Variants in FZD3 observed in about 807,000 individuals in gnomAD.
FZD3 encodes frizzled-3.
Under a neutral mutation model 60.7 loss-of-function variants are expected in FZD3, and 30 were observed. The observed-to-expected ratio is 0.49, with a 90% confidence interval of 0.37 to 0.67. The LOEUF is 0.67. Among genes scored for constraint, FZD3 ranks in the 30% least tolerant of loss-of-function variants. The probability of loss-of-function intolerance (pLI) is 0.00; values close to 1 mark genes in which losing one functional copy is unlikely to be tolerated. For missense variants in FZD3, 605 were observed against 838.7 expected (o/e 0.72, Z 3.44); for synonymous variants, 246 against 275.2 (o/e 0.89, Z 1.05).
At chr8:28,543,852 G>GC (rs1805233268) in intron 5 of FZD3, among the ~76,000 whole-genome samples, 1 of 152,012 alleles carries the variant, frequency 6.6e-6, no homozygotes, top group African/African-American at 2.4e-5. Context: ...AGTTTTTCCA[G>GC]CTTAATAGGC....
intron 5 of FZD3, among the ~76,000 whole-genome samples, chr8:28,537,300 A>T (rs1290629195): frequency 6.7e-6 from 1 of 149,506 alleles, no homozygotes; most frequent in Non-Finnish European, 1.5e-5. Context: ...TATACAAGTT[A>T]TTATTCTGGC....
At chr8:28,522,270 A>G (rs1804600917) in intron 4 of FZD3, among the ~76,000 whole-genome samples, 1 of 151,850 alleles carries the variant, frequency 6.6e-6, no homozygotes, top group Admixed American at 6.6e-5. Flanking sequence ...TAACAAAATG[A>G]CATTGAAAAA....
At chr8:28,545,710 T>G (rs1805278102) in intron 5 of FZD3, among the ~76,000 whole-genome samples, 1 of 152,354 alleles carries the variant, frequency 6.6e-6, no homozygotes, top group South Asian at 2.1e-4. Context: ...CTGTGAGAGA[T>G]AATAAATTCT....
intron 5 of FZD3, among the ~76,000 whole-genome samples, chr8:28,540,702 T>C (rs1388158706): frequency 6.6e-6 from 1 of 152,136 alleles, no homozygotes; most frequent in East Asian, 1.9e-4. Context: ...CCTAGCACTT[T>C]GGGAGGCCAA....
rs1585941319 is a variant in FZD3, at chr8:28,502,228, C to A, written c.-344-442C>A. ...ACTTTTCAGACCACTTTCACAGATG[C>A]CTTCTGCTACATCAGTTAATACAAA... On this transcript the variant is annotated intron_variant, in intron 2 of 7. Transcript: ENST00000240093. Among the ~76,000 whole-genome samples the A allele has an allele frequency of 3.9e-5, 6 of 152,164 alleles. No homozygotes were observed. In the South Asian group the frequency reaches 1.2e-3, roughly 32 times the overall value.
rs1235576803 is a variant in FZD3, at chr8:28,570,373, T to TC, written c.*7365dup. 5.9e-5 allele frequency: 9 copies of TC among 152,348 alleles called. No homozygotes were observed. The highest frequency in any genetic ancestry group is 8.8e-5 in the Non-Finnish European group (6 of 68,230). 9.4% of individuals were successfully genotyped at this position (152,348 alleles called of 1,614,324 possible). On this transcript the variant is annotated 3_prime_UTR_variant, in exon 8 of 8. Transcript: ENST00000240093. The stretch of plus-strand genomic sequence containing the variant: ...CAGGCGCAGTGGCTCACGCCTGTAA[T>TC]CCCAACACTTTGGGAGGCCGAGGCG...
At chr8:28,545,438 A>G (rs1381020014) in intron 5 of FZD3, among the ~76,000 whole-genome samples, 1 of 152,238 alleles carries the variant, frequency 6.6e-6, no homozygotes. Flanking sequence ...TAAGCTGTAT[A>G]GAAAGGTTTC....
chr8:28,569,816 A>G lies in FZD3; in HGVS notation c.*6805A>G, dbSNP rs1805772927. On this transcript the variant is annotated 3_prime_UTR_variant, in exon 8 of 8. Transcript: ENST00000240093. ...TTGATACATAGAAAAGAATGACATA[A>G]CGTTTTGTGGTCTTTGTTCTCTTAA... is the stretch of plus-strand genomic sequence containing the variant. 1 of 152,188 alleles carries G rather than the reference A, an allele frequency of 6.6e-6. No individual in the cohort carries two copies. The highest frequency in any genetic ancestry group is 6.5e-5 in the Admixed American group (1 of 15,286). 9.4% of individuals were successfully genotyped at this position (152,188 alleles called of 1,614,324 possible). A position where few individuals can be genotyped will look rare whatever the true frequency, so the allele number is the denominator to read the frequency against.
chr8:28,551,902 A>T, intron 6 of FZD3, 151 bp downstream of exon 6: 3 of 655,650 alleles, frequency 4.6e-6, no homozygotes, highest in Admixed American at 6.8e-5. Context: ...GCACAGTAGC[A>T]TGTCTTAATT....
chr8:28,520,590 C>A, intron 3 of FZD3, 48 bp from the exon 4 acceptor site: 1 of 1,077,058 alleles, frequency 9.3e-7, no homozygotes. Flanking sequence ...AAAGCTTTAA[C>A]TTGTATACAG....
chr8:28,511,717 A>G (rs2130314167), intron 3 of FZD3, among the ~76,000 whole-genome samples: 1 of 152,260 alleles, frequency 6.6e-6, no homozygotes, highest in East Asian at 1.9e-4. Context: ...GGATGCCTAG[A>G]AGTTAGTGAC....
intron 5 of FZD3, among the ~76,000 whole-genome samples, chr8:28,529,788 G>T (rs67983471): frequency 0.05 from 7,598 of 152,104 alleles, 654 homozygotes; most frequent in East Asian, 0.4. Flanking sequence ...TTTCTTGCCA[G>T]AACTGCTTAC....
Position 28,573,289 on chromosome 8 carries a change from A to C in FZD3, c.*10278A>C, listed in dbSNP as rs1204177049. The C allele has an allele frequency of 6.6e-6, 1 of 152,188 alleles. No homozygotes were observed. Among genetic ancestry groups the C allele is most frequent in the African/African-American group, 2.4e-5 (1 of 41,444 alleles). 9.4% of individuals were successfully genotyped at this position (152,188 alleles called of 1,614,324 possible). A position where few individuals can be genotyped will look rare whatever the true frequency, so the allele number is the denominator to read the frequency against. ...TATAGCCCTTTTATCTCTCTTAAAGAGAAATCTGCATTAAAAGCAAACACA... is the reference window on the plus strand; with the variant it reads ...TATAGCCCTTTTATCTCTCTTAAAGCGAAATCTGCATTAAAAGCAAACACA... On this transcript the variant is annotated 3_prime_UTR_variant, in exon 8 of 8. Coordinates refer to ENST00000240093, the MANE Select transcript of FZD3 (RefSeq NM_017412.4).
At chr8:28,522,913 G>A (rs1307785698) in intron 4 of FZD3, among the ~76,000 whole-genome samples, 1 of 151,674 alleles carries the variant, frequency 6.6e-6, no homozygotes, top group Non-Finnish European at 1.5e-5. Flanking sequence ...GGGCTTACAG[G>A]TGCCCACCAC....
intron 5 of FZD3, among the ~76,000 whole-genome samples, chr8:28,544,556 C>A (rs1036054067): frequency 1.2e-4 from 19 of 152,206 alleles, no homozygotes; most frequent in Admixed American, 1.1e-3. Flanking sequence ...CATTGTATCT[C>A]ATGAACTTTT....
rs1805726150 is a variant in FZD3 at position 28,567,539 on chromosome 8, A to G, written c.*4528A>G. ...TGGCCTCCTAAAGCACTGGGATTAC[A>G]AGCATGAGCCACCATGCCTGATCCA... On this transcript the variant is annotated 3_prime_UTR_variant, in exon 8 of 8. Transcript: ENST00000240093. 1 of 152,220 alleles carries G rather than the reference A, an allele frequency of 6.6e-6. No homozygotes were observed. Among genetic ancestry groups the G allele is most frequent in the Admixed American group, 6.5e-5 (1 of 15,280 alleles). 9.4% of individuals were successfully genotyped at this position (152,220 alleles called of 1,614,324 possible). A position where few individuals can be genotyped will look rare whatever the true frequency, so the allele number is the denominator to read the frequency against.
rs1805083430 is a variant in FZD3 at position 28,538,721 on chromosome 8, T to C, written c.1404+10557T>C. On this transcript the variant is annotated intron_variant, in intron 5 of 7. Coordinates refer to ENST00000240093, the MANE Select transcript of FZD3 (RefSeq NM_017412.4). ...TAAAATTTTAGGGGATTGGATTGAA[T>C]AATCTGTAGGGGTTTTTTCTCAGGT... is the stretch of plus-strand genomic sequence containing the variant. Among the ~76,000 whole-genome samples the C allele has an allele frequency of 2.0e-5, 3 of 152,110 alleles. No homozygotes were observed. In the South Asian group the frequency reaches 6.2e-4, roughly 31 times the overall value.
chr8:28,513,972 G>T (rs1269863680), intron 3 of FZD3, among the ~76,000 whole-genome samples: 1 of 152,228 alleles, frequency 6.6e-6, no homozygotes, highest in African/African-American at 2.4e-5. Flanking sequence ...AAATTTGAAA[G>T]AAGAAAGAGA....
intron 7 of FZD3, among the ~76,000 whole-genome samples, chr8:28,557,126 T>C (rs912342595): frequency 6.6e-5 from 10 of 151,550 alleles, no homozygotes; most frequent in Non-Finnish European, 1.0e-4. Context: ...GGAGAATCAC[T>C]TGAAGCCAGG....
Sources: gnomAD v4.1 joint callset for allele counts (sites outside exome capture counted in the v4.1 genomes callset) on GRCh38, gnomAD v4.1.1 for gene constraint, MANE v1.5 for transcripts, NCBI Gene and HGNC (gene_info 2026-07-23, HGNC 2026-07-21) for gene names.